The following ERBB2 variants were observed in gnomAD, a reference collection of about 807,000 sequenced individuals.
ERBB2 encodes receptor tyrosine-protein kinase erbB-2.
In ERBB2, 61 loss-of-function variants were observed where a neutral mutation model predicts 149.0. The observed-to-expected ratio is 0.41, with a 90% CI of 0.33 to 0.51. The LOEUF is 0.51. Among genes scored for constraint, ERBB2 ranks in the 20% least tolerant of loss-of-function variants. ERBB2 has a pLI of 0.25. For missense variants in ERBB2, 1,205 were observed against 1,655.1 expected, an observed-to-expected ratio of 0.73 and a Z score of 4.72; for synonymous variants, 633 against 678.8, an observed-to-expected ratio of 0.93 and a Z score of 1.05.
intron 15 of ERBB2, 31 bp from the exon 16 acceptor site, chr17:39,719,756 A>G: frequency 6.2e-7 from 1 of 1,613,084 alleles, no homozygotes; most frequent in Non-Finnish European, 8.5e-7. Flanking sequence ...GGTGGTTCCC[A>G]GAATTGTTGA....
upstream of ERBB2, among the ~76,000 whole-genome samples, chr17:39,692,469 G>A (rs760751021): frequency 6.0e-5 from 9 of 150,454 alleles, no homozygotes; most frequent in South Asian, 6.3e-4. Flanking sequence ...GCAATGGCGC[G>A]ATCTTAGCTC....
At chr17:39,690,882 A>G (rs2057679727), upstream of ERBB2, among the ~76,000 whole-genome samples, 1 of 152,146 alleles carries the variant, frequency 6.6e-6, no homozygotes, top group African/African-American at 2.4e-5. Flanking sequence ...GGACAGGCAC[A>G]GTGGCTCATG....
chr17:39,716,876 C>G (rs189330859), intron 14 of ERBB2: 5 of 509,268 alleles, frequency 9.8e-6, no homozygotes, highest in Non-Finnish European at 1.4e-5. Flanking sequence ...TGGGCTCAGG[C>G]GTCAGACTAC....
intron 1 of ERBB2, among the ~76,000 whole-genome samples, chr17:39,705,834 T>C (rs1224502297): frequency 6.6e-6 from 1 of 152,164 alleles, no homozygotes; most frequent in Non-Finnish European, 1.5e-5. Context: ...AATCTGCATG[T>C]AGCCTGTGGG....
Position 39,728,295 on chromosome 17 carries a change from T to G in ERBB2, c.*251T>G. On this transcript the variant is annotated 3_prime_UTR_variant, in exon 27 of 27. Coordinates refer to ENST00000269571, the MANE Select transcript of ERBB2 (RefSeq NM_004448.4). The stretch of plus-strand genomic sequence containing the variant: ...TCTGAGGCCCTGCCCAATGAGACTC[T>G]AGGGTCCAGTGGATGCCACAGCCCA... The G allele has an allele frequency of 2.3e-6, 1 of 427,242 alleles. No homozygotes were observed. The highest frequency in any genetic ancestry group is 4.2e-6 in the Non-Finnish European group (1 of 238,096). The allele number at this position is 427,242 out of a possible 1,614,324, so 26.5% of individuals were successfully genotyped here.
chr17:39,695,065 C>T (rs1250036811), upstream of ERBB2: 1 of 152,534 alleles, frequency 6.6e-6, no homozygotes. Flanking sequence ...AACGGGGGCA[C>T]CAGTAGAATG....
Position 39,723,487 on chromosome 17 carries a change from C to A in ERBB2, c.2085+30C>A, listed in dbSNP as rs1049260048. ...GGCGGGGTGAAGTCCTCCCAGCCCG[C>A]GTGGGGTCTGCACCGGCCCCCGGCA... On this transcript the variant is annotated intron_variant, in intron 17 of 26. Coordinates refer to ENST00000269571, the MANE Select transcript of ERBB2 (RefSeq NM_004448.4). The surrounding 1 kb of genome is among the most constrained non-coding windows in gnomAD (Gnocchi z 6.2). 2 of 1,613,770 alleles carry A rather than the reference C, an allele frequency of 1.2e-6. No homozygotes were observed. The highest frequency in any genetic ancestry group is 1.1e-5 in the South Asian group (1 of 91,068).
In ERBB2 at chr17:39,726,381, C is replaced by A; in HGVS notation, c.2873-181C>A. The A allele has an allele frequency of 1.7e-6, 1 of 597,704 alleles. No homozygotes were observed. Among genetic ancestry groups the A allele is most frequent in the Non-Finnish European group, 3.0e-6 (1 of 334,288 alleles). 37.0% of individuals were successfully genotyped at this position (597,704 alleles called of 1,614,324 possible). On this transcript the variant is annotated intron_variant, in intron 23 of 26. Transcript: ENST00000269571. The surrounding 1 kb of genome is among the most constrained non-coding windows in gnomAD (Gnocchi z 5.1). Reference sequence around the variant, plus strand: ...AAGAAAAAAAAAATTAAAAGGGAAACTAGAAGAGATGCCAAAGGTTCTGGC... The same window carrying A: ...AAGAAAAAAAAAATTAAAAGGGAAAATAGAAGAGATGCCAAAGGTTCTGGC...
At chr17:39,692,426 C>T (rs1216840992), upstream of ERBB2, among the ~76,000 whole-genome samples, 5 of 140,794 alleles carry the variant, frequency 3.6e-5, no homozygotes, top group African/African-American at 1.1e-4. Flanking sequence ...TTTTTTTAAA[C>T]GGAGTTTTTG....
At chr17:39,697,699 CTCTT>C (rs2057899418), upstream of ERBB2, among the ~76,000 whole-genome samples, 1 of 151,404 alleles carries the variant, frequency 6.6e-6, no homozygotes, top group Admixed American at 6.6e-5. Context: ...CTCTCTTGCT[CTCTT>C]TCTTTCTTTC....
chr17:39,716,488 C>T, intron 13 of ERBB2, 27 bp from the exon 14 acceptor site: 1 of 1,613,610 alleles, frequency 6.2e-7, no homozygotes, highest in Non-Finnish European at 8.5e-7. Flanking sequence ...TCCTCTCAGA[C>T]CCCCTCACCA....
chr17:39,706,917 G>T, intron 1 of ERBB2, 73 bp from the exon 2 acceptor site: 1 of 1,412,724 alleles, frequency 7.1e-7, no homozygotes, highest in Non-Finnish European at 9.3e-7. Flanking sequence ...CTTGGAGTGA[G>T]TTTGGATGGG....
chr17:39,694,303 GTA>G (rs371746832), upstream of ERBB2, among the ~76,000 whole-genome samples: 2 of 75,764 alleles, frequency 2.6e-5, 1 homozygote, highest in Non-Finnish European at 5.0e-5. Flanking sequence ...ATATATATGT[GTA>G]TATATATATA....
upstream of ERBB2, among the ~76,000 whole-genome samples, chr17:39,695,723 A>ATG (rs1371109417): frequency 1.3e-5 from 2 of 149,196 alleles, no homozygotes; most frequent in African/African-American, 4.9e-5. Flanking sequence ...ACACACACAC[A>ATG]CACACACACA....
At chr17:39,709,961 G>A in intron 5 of ERBB2, 80 bp downstream of exon 5, 2 of 1,504,308 alleles carry the variant, frequency 1.3e-6, no homozygotes, top group South Asian at 1.1e-5. Context: ...AGGTGACATG[G>A]GAGGGGTGGG....
At position 39,723,656 on chromosome 17, in the gene ERBB2, A is replaced by G. The variant is rs2059570252; in HGVS notation, c.2204A>G (p.Tyr735Cys). The change falls in exon 18 of 27, where the codon TAC becomes TGC. Residue 735 changes from tyrosine (Y) to cysteine (C), a missense_variant. By Grantham distance (194) the Tyr-to-Cys change is radical. Around this residue, in one of 6 missense-constraint regions of ERBB2, gnomAD observed 152 missense variants for 318.1 expected, o/e 0.48. Transcript: ENST00000269571. This position sits in a 1 kb window ranked among gnomAD's most constrained non-coding sequence, Gnocchi z 6.2. The stretch of plus-strand genomic sequence containing the variant: ...GGATCTGGCGCTTTTGGCACAGTCT[A>G]CAAGGTCAGGGCCAGGTCCTGGGGT... The part of the protein sequence containing the change: ...VLGSGAFGTV[Y>C]KGIWIPDGEN... The G allele has an allele frequency of 6.2e-7, 1 of 1,602,282 alleles. No homozygotes were observed. The highest frequency in any genetic ancestry group is 8.5e-7 in the Non-Finnish European group (1 of 1,174,486).
rs1208933540 is a variant in ERBB2 at position 39,726,972 on chromosome 17, T to A, written c.3128T>A (p.Val1043Asp). The A allele has an allele frequency of 2.0e-5, 32 of 1,608,476 alleles. No homozygotes were observed. Among genetic ancestry groups the A allele is most frequent in the Non-Finnish European group, 2.6e-5 (31 of 1,177,868 alleles). The change falls in exon 25 of 27, where the codon GTC becomes GAC. Residue 1043 changes from valine to aspartate, a missense_variant. Val to Asp is a radical substitution (Grantham distance 152). Transcript: ENST00000269571. This position sits in a 1 kb window ranked among gnomAD's most constrained non-coding sequence, Gnocchi z 5.1. Reference sequence around the variant, plus strand: ...CCTGCCCCGGGCGCTGGGGGCATGGTCCACCACAGGCACCGCAGCTCATCT... The same window carrying A: ...CCTGCCCCGGGCGCTGGGGGCATGGACCACCACAGGCACCGCAGCTCATCT... ...PDPAPGAGGMVHHRHRSSSTR... is the reference protein window; with the variant it reads ...PDPAPGAGGMDHHRHRSSSTR...
chr17:39,709,971 G>T, intron 5 of ERBB2, 90 bp downstream of exon 5: 1 of 1,478,436 alleles, frequency 6.8e-7, no homozygotes, highest in South Asian at 1.1e-5. Context: ...GGAGGGGTGG[G>T]ATAACAGGCT....
At chr17:39,699,438 G>A (rs1019442427), upstream of ERBB2, 12 of 972,716 alleles carry the variant, frequency 1.2e-5, no homozygotes, top group Non-Finnish European at 1.7e-5. Context: ...TCCAGCCTGG[G>A]CAACAAGAGC....
Sources: allele counts gnomAD v4.1 joint callset (sites outside exome capture counted in the v4.1 genomes callset), GRCh38; gene constraint gnomAD v4.1.1; regional missense constraint gnomAD v4.1.1; non-coding constraint Gnocchi (gnomAD v3.1); transcripts MANE v1.5; gene names NCBI Gene and HGNC (gene_info 2026-07-23, HGNC 2026-07-21).